Variants in IMPA2 observed in about 807,000 individuals in gnomAD.
IMPA2 encodes IMP 2.
A neutral mutation model predicts 35.1 loss-of-function variants in IMPA2; 32 were observed. The ratio of observed to expected loss-of-function variants is 0.91; its 90% CI spans 0.69 to 1.23. The LOEUF (loss-of-function observed/expected upper bound fraction) is 1.23. Among genes scored for constraint, IMPA2 ranks in the 50% most tolerant of loss-of-function variants. IMPA2 has a pLI of 0.00. For missense variants in IMPA2, 334 were observed against 387.6 expected, an observed-to-expected ratio of 0.86 and a Z score of 1.16; for synonymous variants, 135 against 160.6, an observed-to-expected ratio of 0.84 and a Z score of 1.20.
intron 5 of IMPA2, among the ~76,000 whole-genome samples, chr18:12,015,276 C>A (rs1427734682): frequency 2.6e-5 from 4 of 152,216 alleles, no homozygotes; most frequent in African/African-American, 9.6e-5. Context: ...TTCTGCTCTC[C>A]CATCAGCCTC....
At chr18:12,008,552 G>A (rs1214430628) in intron 2 of IMPA2, 1 of 456,918 alleles carries the variant, frequency 2.2e-6, no homozygotes, top group East Asian at 6.9e-5. Context: ...TTTGGAAGGT[G>A]TAAACAGCGG....
chr18:12,001,114 A>G (rs957584996), intron 2 of IMPA2, among the ~76,000 whole-genome samples: 1 of 151,730 alleles, frequency 6.6e-6, no homozygotes, highest in Non-Finnish European at 1.5e-5. Flanking sequence ...CTGTAATTCC[A>G]GCTACTCGGG....
Position 11,981,592 on chromosome 18 carries a change from C to T in IMPA2, c.-78C>T, listed in dbSNP as rs1436117904. The T allele has an allele frequency of 1.0e-6, 1 of 965,712 alleles. No homozygotes were observed. Among genetic ancestry groups the T allele is most frequent in the Admixed American group, 4.3e-5 (1 of 23,090 alleles). The allele number at this position is 965,712 out of a possible 1,614,324, so 59.8% of individuals were successfully genotyped here. A position where few individuals can be genotyped will look rare whatever the true frequency, so the allele number is the denominator to read the frequency against. ...CAGGCACAGGGAGTGTGGAGCCTGG[C>T]GGCGGGACGGCGGGATCCGGTGGGA... On this transcript the variant is annotated 5_prime_UTR_variant, in exon 1 of 8. Coordinates refer to ENST00000269159, the MANE Select transcript of IMPA2 (RefSeq NM_014214.3).
At chr18:12,030,152 C>T (rs1470699986) in intron 7 of IMPA2, among the ~76,000 whole-genome samples, 191 bp from the exon 8 acceptor site, 2 of 152,324 alleles carry the variant, frequency 1.3e-5, no homozygotes, top group Admixed American at 6.5e-5. Context: ...TGGGGTGGGG[C>T]GGGAGAGGCT....
At chr18:12,006,312 A>G (rs1907246135) in intron 2 of IMPA2, among the ~76,000 whole-genome samples, 1 of 152,228 alleles carries the variant, frequency 6.6e-6, no homozygotes, top group Non-Finnish European at 1.5e-5. Flanking sequence ...GGGGAGCACC[A>G]GTTCCTGAGC....
intron 2 of IMPA2, among the ~76,000 whole-genome samples, chr18:12,007,674 T>TCTTTCTTTCTTTC (rs1568032972): frequency 1.4e-5 from 2 of 138,582 alleles, no homozygotes; most frequent in Non-Finnish European, 1.5e-5. Flanking sequence ...TTTCTTTCTT[T>TCTTTCTTTCTTTC]CTTTCCTTTC....
intron 5 of IMPA2, chr18:12,017,530 C>T (rs1193685157): frequency 9.1e-6 from 3 of 329,336 alleles, no homozygotes; most frequent in African/African-American, 6.9e-5. Flanking sequence ...CTTCCTGTTC[C>T]TGGGTCAGTC....
At chr18:11,987,025 C>T (rs1286231500) in intron 1 of IMPA2, among the ~76,000 whole-genome samples, 2 of 152,210 alleles carry the variant, frequency 1.3e-5, no homozygotes, top group Non-Finnish European at 2.9e-5. Flanking sequence ...CTATTGTGAG[C>T]CATCCATCTT....
At chr18:12,005,422 C>T (rs188601817) in intron 2 of IMPA2, among the ~76,000 whole-genome samples, 1 of 151,854 alleles carries the variant, frequency 6.6e-6, no homozygotes, top group Non-Finnish European at 1.5e-5. Flanking sequence ...TGGTTTGTGG[C>T]TTCAGTGAGC....
intron 3 of IMPA2, among the ~76,000 whole-genome samples, chr18:12,011,007 C>G (rs1372428531): frequency 2.0e-5 from 3 of 152,180 alleles, no homozygotes; most frequent in Non-Finnish European, 4.4e-5. Flanking sequence ...CAGGGCTCTC[C>G]TCCCCAGAGT....
intron 1 of IMPA2, among the ~76,000 whole-genome samples, chr18:11,989,151 G>T (rs760686898): frequency 6.6e-6 from 1 of 152,190 alleles, no homozygotes; most frequent in African/African-American, 2.4e-5. Context: ...CCACTGATGG[G>T]CTTTGCCGTC....
chr18:12,000,184 T>C (rs1907076237), intron 2 of IMPA2, among the ~76,000 whole-genome samples: 1 of 152,092 alleles, frequency 6.6e-6, no homozygotes. Context: ...TTTTATATAT[T>C]TTTTAAGAGA....
intron 5 of IMPA2, among the ~76,000 whole-genome samples, chr18:12,026,522 C>T (rs1010633769): frequency 2.6e-5 from 4 of 152,192 alleles, no homozygotes; most frequent in African/African-American, 7.2e-5. Context: ...CCTTCTTGAG[C>T]GCTGGCATTT....
At chr18:11,985,322 G>A (rs983425517) in intron 1 of IMPA2, among the ~76,000 whole-genome samples, 2 of 151,996 alleles carry the variant, frequency 1.3e-5, no homozygotes, top group Admixed American at 6.6e-5. Context: ...TCATACTTCC[G>A]TAATACTTTT....
At chr18:12,007,606 C>T (rs921317654) in intron 2 of IMPA2, among the ~76,000 whole-genome samples, 1,449 of 140,776 alleles carry the variant, frequency 0.01, 20 homozygotes, top group African/African-American at 0.036. Context: ...CTTTCTTTCT[C>T]TTTCTTTCTT....
At position 12,012,212 on chromosome 18, in the gene IMPA2, A is replaced by G. The variant is rs751835749; in HGVS notation, c.378A>G (p.Gln126=). The change falls in exon 4 of 8, where the codon CAA becomes CAG. Residue 126 remains glutamine (Q), a synonymous_variant. Coordinates refer to ENST00000269159, the MANE Select transcript of IMPA2 (RefSeq NM_014214.3). ...TTAGCATTGGATTTGCTGTTCGACA[A>G]GAGGTGCGGGTGTGGCCCAGGTCCC... ...VAVSIGFAVR[Q]ELEFGVIYHC... 4 of 1,614,086 alleles carry G rather than the reference A, an allele frequency of 2.5e-6. No homozygotes were observed. The highest frequency in any genetic ancestry group is 1.1e-5 in the South Asian group (1 of 91,070).
intron 1 of IMPA2, among the ~76,000 whole-genome samples, chr18:11,989,574 A>C (rs1906756950): frequency 6.6e-6 from 1 of 152,142 alleles, no homozygotes; most frequent in Non-Finnish European, 1.5e-5. Context: ...TCCTGACCCT[A>C]TCTGAGAGGT....
At chr18:12,025,208 T>A (rs1458842926) in intron 5 of IMPA2, among the ~76,000 whole-genome samples, 1 of 152,238 alleles carries the variant, frequency 6.6e-6, no homozygotes, top group Non-Finnish European at 1.5e-5. Flanking sequence ...TCATGCTTTC[T>A]CATTTCCTTT....
At chr18:12,007,628 C>CTTCTTTCTTTCTTTCTTTCTTTCTTTCT (rs71172044) in intron 2 of IMPA2, among the ~76,000 whole-genome samples, 120 of 116,782 alleles carry the variant, frequency 1.0e-3, no homozygotes, top group East Asian at 4.5e-3. Context: ...CTTTTTCTTT[C>CTTCTTTCTTTCTTTCTTTCTTTCTTTCT]TTCTTTCTTT....
Sources: gnomAD v4.1 joint callset for allele counts (sites outside exome capture counted in the v4.1 genomes callset) on GRCh38, gnomAD v4.1.1 for gene constraint, MANE v1.5 for transcripts, NCBI Gene and HGNC (gene_info 2026-07-23, HGNC 2026-07-21) for gene names.